Variants in PCNX2 observed in about 807,000 individuals in gnomAD.
PCNX2 encodes the protein pecanex 2.
A neutral mutation model predicts 223.8 loss-of-function variants in PCNX2; 168 were observed. The observed-to-expected ratio is 0.75, with a 90% CI of 0.66 to 0.85. The LOEUF is 0.85. PCNX2 is among the 40% of genes least tolerant of loss of function. PCNX2 has a pLI of 0.00. For synonymous variants in PCNX2, 1,006 were observed against 1,052.6 expected (o/e 0.96, Z 0.86); for missense variants, 2,507 against 2,675.5 (o/e 0.94, Z 1.39).
chr1:233,256,694 T>C (rs1252284506), intron 5 of PCNX2, among the ~76,000 whole-genome samples: 2 of 152,220 alleles, frequency 1.3e-5, no homozygotes, highest in Non-Finnish European at 2.9e-5. Flanking sequence ...GAAAATTTTA[T>C]TGGACAGTGC....
the PCNX2 span, among the ~76,000 whole-genome samples, chr1:233,320,314 T>G: frequency 4.6e-5 from 7 of 152,152 alleles, no homozygotes; most frequent in Non-Finnish European, 1.0e-4. Context: ...TAAAATCCAA[T>G]GACTTTATTC....
rs1481629638 is a variant in PCNX2 at position 233,025,234 on chromosome 1, A to G, written c.4517T>C (p.Leu1506Pro). Residue 1506 changes from leucine to proline, a missense_variant, in exon 26 of 34, where the codon CTG (leucine) becomes CCG (proline). Physicochemically the swap from Leu to Pro is moderately conservative, Grantham distance 98. Coordinates refer to ENST00000258229, the MANE Select transcript of PCNX2 (RefSeq NM_014801.4). ...GTTGTCCAGGATGCTGTAGCCCTCC[A>G]GGATGTACTGGGTCTGCGTGATTTC... ...TWEITQTQYI[L>P]EGYSILDNNA... 6.2e-7 allele frequency: 1 copy of G among 1,614,006 alleles called. No individual in the cohort carries two copies. The highest frequency in any genetic ancestry group is 1.7e-5 in the Admixed American group (1 of 60,028).
At chr1:233,273,389 G>C (rs1426589470) in intron 1 of PCNX2, among the ~76,000 whole-genome samples, 2 of 151,972 alleles carry the variant, frequency 1.3e-5, no homozygotes, top group African/African-American at 2.4e-5. Flanking sequence ...GGCTAGAAGG[G>C]ATCCCTGTGC....
At chr1:233,074,551 C>T (rs1373698363) in intron 23 of PCNX2, among the ~76,000 whole-genome samples, 2 of 140,770 alleles carry the variant, frequency 1.4e-5, no homozygotes, top group Admixed American at 7.3e-5. Context: ...GCCGAGATCC[C>T]GCCACTGCAC....
chr1:233,113,939 C>A (rs1675263250), intron 21 of PCNX2, among the ~76,000 whole-genome samples: 1 of 152,222 alleles, frequency 6.6e-6, no homozygotes, highest in African/African-American at 2.4e-5. Flanking sequence ...CAATATTCAA[C>A]ATTCCGGAGT....
At chr1:233,105,411 G>A (rs1307017936) in intron 21 of PCNX2, among the ~76,000 whole-genome samples, 1 of 152,146 alleles carries the variant, frequency 6.6e-6, no homozygotes, top group Admixed American at 6.5e-5. Flanking sequence ...ACCTCATAGA[G>A]GATACCAGAG....
intron 31 of PCNX2, 127 bp downstream of exon 31, chr1:232,998,978 G>C: frequency 9.5e-7 from 1 of 1,050,664 alleles, no homozygotes; most frequent in South Asian, 1.8e-5. Flanking sequence ...CCACTTGGGG[G>C]TAGCAGTTTT....
At position 233,218,064 on chromosome 1, in the gene PCNX2, G is replaced by A. The variant is rs1313099947; in HGVS notation, c.2625C>T (p.Leu875=). The A allele has an allele frequency of 1.4e-5, 22 of 1,598,118 alleles. No individual in the cohort carries two copies. Among genetic ancestry groups the A allele is most frequent in the Middle Eastern group, 1.6e-4 (1 of 6,062 alleles). The change falls in exon 11 of 34, where the codon CTC becomes CTT. Residue 875 remains leucine, a synonymous_variant. Coordinates refer to ENST00000258229, the MANE Select transcript of PCNX2 (RefSeq NM_014801.4). ...GGGAGTACTGGCAGCTGGCCATGAC[G>A]AGGCAGAAGAGGAGCACCCACATAT... is the stretch of plus-strand genomic sequence containing the variant. ...CKDMWVLLFC[L]VMASCQYSLL...
the PCNX2 span, among the ~76,000 whole-genome samples, chr1:233,300,941 G>A: frequency 6.6e-6 from 1 of 152,152 alleles, no homozygotes; most frequent in Admixed American, 6.5e-5. Flanking sequence ...TGGACTGCAA[G>A]CCATTCTTGC....
At chr1:233,246,606 C>T (rs560712026) in intron 8 of PCNX2, among the ~76,000 whole-genome samples, 2 of 152,278 alleles carry the variant, frequency 1.3e-5, no homozygotes, top group South Asian at 4.1e-4. Context: ...TGTTACTACC[C>T]GAACTACTGA....
intron 19 of PCNX2, among the ~76,000 whole-genome samples, chr1:233,149,888 T>TATA (rs1677692297): frequency 6.7e-6 from 1 of 149,602 alleles, no homozygotes; most frequent in Non-Finnish European, 1.5e-5. Context: ...AAGCCTCAAT[T>TATA]TATATATATA....
intron 8 of PCNX2, among the ~76,000 whole-genome samples, chr1:233,239,671 T>G (rs1658637353): frequency 6.6e-6 from 1 of 152,252 alleles, no homozygotes; most frequent in Non-Finnish European, 1.5e-5. Flanking sequence ...AGACTATGTA[T>G]GTAAAGCAGT....
chr1:232,998,410 G>T lies in PCNX2; in HGVS notation c.5632C>A (p.His1878Asn). ...RMRKDCNARQ[H>N]SGGNIEDVDG... ...ACGTCTTCAATGTTGCCGCCACTGT[G>T]CTGGCGGGCATTGCAATCCTTCCGC... The change falls in exon 32 of 34, where the codon CAC (histidine) becomes AAC (asparagine). Residue 1878 changes from histidine (H) to asparagine (N), a missense_variant. Coordinates refer to ENST00000258229, the MANE Select transcript of PCNX2 (RefSeq NM_014801.4). 1 of 1,612,658 alleles carries T rather than the reference G, an allele frequency of 6.2e-7. No homozygotes were observed.
At chr1:233,067,520 C>T (rs1254229143) in intron 23 of PCNX2, among the ~76,000 whole-genome samples, 2 of 151,488 alleles carry the variant, frequency 1.3e-5, no homozygotes, top group Non-Finnish European at 2.9e-5. Flanking sequence ...GTCATCCGGG[C>T]TGAAGTGCAG....
intron 21 of PCNX2, among the ~76,000 whole-genome samples, chr1:233,125,167 A>T (rs1676026144): frequency 1.3e-5 from 2 of 152,196 alleles, no homozygotes; most frequent in African/African-American, 4.8e-5. Flanking sequence ...GTGGCATTTC[A>T]GTGTTTCAGT....
intron 32 of PCNX2, among the ~76,000 whole-genome samples, chr1:232,994,706 G>A (rs1023981904): frequency 2.6e-5 from 4 of 152,136 alleles, no homozygotes; most frequent in African/African-American, 9.7e-5. Flanking sequence ...GGACCTGGTG[G>A]GAGGTGATTG....
At chr1:233,066,106 G>A (rs761266191) in intron 23 of PCNX2, among the ~76,000 whole-genome samples, 12 of 152,150 alleles carry the variant, frequency 7.9e-5, no homozygotes, top group Non-Finnish European at 1.6e-4. Flanking sequence ...CCCACTTAGG[G>A]TCCTCTTTCT....
Position 233,090,161 on chromosome 1 carries a change from C to CA in PCNX2, c.3975dup (p.Ala1326CysfsTer40), listed in dbSNP as rs1558220236. 27 of 1,612,840 alleles carry CA rather than the reference C, an allele frequency of 1.7e-5. No individual in the cohort carries two copies. The highest frequency in any genetic ancestry group is 2.2e-5 in the Non-Finnish European group (26 of 1,179,578). ...AATGGGGTAGAAAAGATTGATGTGG[C>CA]AATCGTCTGAAAGAAAAGCATGGCA... On this transcript the variant is annotated frameshift_variant, in exon 23 of 34. Transcript: ENST00000258229. LOFTEE classifies it high-confidence loss of function.
chr1:233,160,630 G>A (rs573272088), intron 18 of PCNX2, among the ~76,000 whole-genome samples, 197 bp from the exon 19 acceptor site: 26 of 133,720 alleles, frequency 1.9e-4, no homozygotes, highest in Admixed American at 1.2e-3. Flanking sequence ...CACTATGAGG[G>A]TGAGGGAGAA....
Sources: allele counts gnomAD v4.1 joint callset (sites outside exome capture counted in the v4.1 genomes callset), GRCh38; gene constraint gnomAD v4.1.1; transcripts MANE v1.5; gene names NCBI Gene and HGNC (gene_info 2026-07-23, HGNC 2026-07-21).